The following ITPR1 variants were observed in gnomAD, a reference collection of about 807,000 sequenced individuals.
The protein encoded by ITPR1 is inositol 1,4,5-trisphosphate-gated calcium channel ITPR1.
In ITPR1, 96 loss-of-function variants were observed where a neutral mutation model predicts 318.4. The ratio of observed to expected loss-of-function variants is 0.30; its 90% CI spans 0.26 to 0.36. ITPR1 has a LOEUF of 0.36. ITPR1 is among the 10% of genes least tolerant of loss of function. The pLI, the probability that ITPR1 is intolerant of heterozygous loss-of-function variation, is 1.00. For synonymous variants in ITPR1, 1,312 were observed against 1,289.9 expected (o/e 1.02, Z -0.37); for missense variants, 2,440 against 3,460.2 (o/e 0.71, Z 7.40).
At chr3:4,822,794 A>C (rs1404014239) in intron 60 of ITPR1, among the ~76,000 whole-genome samples, 3 of 152,214 alleles carry the variant, frequency 2.0e-5, no homozygotes, top group African/African-American at 7.2e-5. Context: ...CCCGAGATGC[A>C]ATCTCATATT....
chr3:4,547,855 G>T (rs2085175401), intron 4 of ITPR1, among the ~76,000 whole-genome samples: 1 of 152,122 alleles, frequency 6.6e-6, no homozygotes, highest in South Asian at 2.1e-4. Flanking sequence ...ACACCAGCCT[G>T]TTTCTTTGTG....
chr3:4,529,831 A>G (rs2083269780), intron 4 of ITPR1, among the ~76,000 whole-genome samples: 1 of 152,148 alleles, frequency 6.6e-6, no homozygotes, highest in African/African-American at 2.4e-5. Context: ...TACTTTACAT[A>G]CACTCATTTA....
chr3:4,753,825 G>A (rs988983561), intron 44 of ITPR1, among the ~76,000 whole-genome samples: 2 of 152,086 alleles, frequency 1.3e-5, no homozygotes, highest in African/African-American at 4.8e-5. Context: ...TACTGTGCGG[G>A]CTCTCACCTG....
In ITPR1 at chr3:4,806,949, C is replaced by T. The variant is rs993739690; in HGVS notation, c.7272+682C>T. Among the ~76,000 whole-genome samples, 25 of 151,996 alleles carry T rather than the reference C, an allele frequency of 1.6e-4. 1 individual carries two copies. The highest frequency in any genetic ancestry group is 4.4e-4 in the African/African-American group (18 of 41,358). ...ATAAGAAACCATTTTCTTGTGCCTA[C>T]ATAAAATGACAGGAAGCATAAAACT... On this transcript the variant is annotated intron_variant, in intron 55 of 61. Coordinates refer to ENST00000649015, the MANE Select transcript of ITPR1 (RefSeq NM_001378452.1).
chr3:4,585,077 G>A (rs556929673), intron 4 of ITPR1, among the ~76,000 whole-genome samples: 4 of 152,288 alleles, frequency 2.6e-5, no homozygotes, highest in Admixed American at 2.6e-4. Flanking sequence ...AACTGTGTGC[G>A]GCTGTTCCCT....
At chr3:4,593,550 C>T (rs1238783208) in intron 4 of ITPR1, among the ~76,000 whole-genome samples, 1 of 152,136 alleles carries the variant, frequency 6.6e-6, no homozygotes, top group East Asian at 1.9e-4. Context: ...TTTTTAGAAG[C>T]CTCAAATTTG....
chr3:4,588,198 G>A (rs1016790021), intron 4 of ITPR1, among the ~76,000 whole-genome samples: 1 of 152,168 alleles, frequency 6.6e-6, no homozygotes, highest in East Asian at 1.9e-4. Context: ...ATAAGAAGTA[G>A]ATGCATACAG....
intron 4 of ITPR1, among the ~76,000 whole-genome samples, chr3:4,615,997 T>C (rs1250682404): frequency 6.6e-6 from 1 of 152,162 alleles, no homozygotes; most frequent in Non-Finnish European, 1.5e-5. Flanking sequence ...TGCAGATGGG[T>C]AATGGGAGGG....
chr3:4,695,954 A>G (rs753660852), intron 33 of ITPR1, among the ~76,000 whole-genome samples: 6 of 152,114 alleles, frequency 3.9e-5, no homozygotes, highest in Non-Finnish European at 7.4e-5. Flanking sequence ...CATTTCTTCA[A>G]TTTGATGTGA....
At chr3:4,802,588 C>A (rs1247905616) in intron 54 of ITPR1, among the ~76,000 whole-genome samples, 1 of 152,002 alleles carries the variant, frequency 6.6e-6, no homozygotes, top group East Asian at 1.9e-4. Flanking sequence ...TTTGGGAGGC[C>A]AAGGCGGGAA....
intron 13 of ITPR1, among the ~76,000 whole-genome samples, 185 bp downstream of exon 13, chr3:4,658,463 C>G (rs2093761508): frequency 6.6e-6 from 1 of 151,816 alleles, no homozygotes; most frequent in Non-Finnish European, 1.5e-5. Context: ...TTGATAAGTT[C>G]TCAGTAGTTG....
At position 4,765,675 on chromosome 3, in the gene ITPR1, T is replaced by A. The variant is rs185313367; in HGVS notation, c.5545-855T>A. 1.5e-3 allele frequency among the ~76,000 whole-genome samples: 232 copies of A among 152,178 alleles called. 1 individual carries two copies. Among genetic ancestry groups the A allele is most frequent in the African/African-American group, 5.5e-3 (228 of 41,526 alleles). Reference sequence around the variant, plus strand: ...TGTTGGGAGCTTTGTTTTTTTTTTCTCTGGAAATGACCGTATTGTATTTTT... The same window carrying A: ...TGTTGGGAGCTTTGTTTTTTTTTTCACTGGAAATGACCGTATTGTATTTTT... On this transcript the variant is annotated intron_variant, in intron 44 of 61. Transcript: ENST00000649015.
chr3:4,839,461 C>G (rs1464419508), intron 61 of ITPR1, among the ~76,000 whole-genome samples: 1 of 152,154 alleles, frequency 6.6e-6, no homozygotes, highest in Non-Finnish European at 1.5e-5. Context: ...GGCAGGAGCT[C>G]CTGATCATCC....
chr3:4,702,649 G>A (rs1030583397), intron 35 of ITPR1, among the ~76,000 whole-genome samples, 181 bp from the exon 36 acceptor site: 3 of 152,174 alleles, frequency 2.0e-5, no homozygotes, highest in African/African-American at 7.2e-5. Context: ...GGTAACTTAT[G>A]GAATTTAGCT....
intron 23 of ITPR1, 73 bp from the exon 24 acceptor site, chr3:4,676,541 C>T: frequency 2.7e-6 from 3 of 1,110,152 alleles, no homozygotes; most frequent in East Asian, 2.4e-5. Context: ...TCAAAGAGCC[C>T]CTGCCCCTTG....
rs1372640831 is a variant in ITPR1 at position 4,846,845 on chromosome 3, A to AAATC, written c.*622_*625dup. The AAATC allele has an allele frequency of 6.6e-6, 1 of 152,626 alleles. No individual in the cohort carries two copies. Among genetic ancestry groups the AAATC allele is most frequent in the African/African-American group, 2.4e-5 (1 of 41,442 alleles). The allele number at this position is 152,626 out of a possible 1,614,324, so 9.5% of individuals were successfully genotyped here. On this transcript the variant is annotated 3_prime_UTR_variant, in exon 62 of 62. Coordinates refer to ENST00000649015, the MANE Select transcript of ITPR1 (RefSeq NM_001378452.1). ...TAATGCTCCAAGTCTATGAACTGTT[A>AAATC]AATCAGCATTCATTTTAAGAAAAGC...
Position 4,516,471 on chromosome 3 carries a change from T to C in ITPR1, c.-16-5T>C, listed in dbSNP as rs1168410650. ...TAACAATGCTGCATATTTTACTTTG[T>C]CTAGGATTTTCAAGAAAGACATGTC... On this transcript the variant is annotated splice_polypyrimidine_tract_variant and splice_region_variant and intron_variant, in intron 2 of 61. Transcript: ENST00000649015. 1 of 1,409,814 alleles carries C rather than the reference T, an allele frequency of 7.1e-7. No individual in the cohort carries two copies. Among genetic ancestry groups the C allele is most frequent in the Non-Finnish European group, 9.8e-7 (1 of 1,022,374 alleles). 87.3% of individuals were successfully genotyped at this position (1,409,814 alleles called of 1,614,324 possible).
intron 39 of ITPR1, 29 bp from the exon 40 acceptor site, chr3:4,717,338 C>A: frequency 6.8e-7 from 1 of 1,480,586 alleles, no homozygotes; most frequent in Non-Finnish European, 9.3e-7. Context: ...ACATTTCCTT[C>A]TCTCTCTCTC....
chr3:4,541,059 A>G (rs2084394451), intron 4 of ITPR1, among the ~76,000 whole-genome samples: 1 of 152,154 alleles, frequency 6.6e-6, no homozygotes, highest in Non-Finnish European at 1.5e-5. Context: ...ATACTAGGAC[A>G]TTATAGAATA....
Sources: gnomAD v4.1 joint callset for allele counts (sites outside exome capture counted in the v4.1 genomes callset) on GRCh38, gnomAD v4.1.1 for gene constraint, MANE v1.5 for transcripts, NCBI Gene and HGNC (gene_info 2026-07-23, HGNC 2026-07-21) for gene names.